The following PARVG variants were observed in gnomAD, a reference collection of about 807,000 sequenced individuals.
PARVG encodes the protein parvin gamma.
PARVG carries 36 observed loss-of-function variants against 44.4 expected under a neutral mutation model. The observed-to-expected ratio is 0.81, with a 90% CI of 0.62 to 1.07. The LOEUF is 1.07. PARVG is among the 50% of genes least tolerant of loss of function. The pLI, the probability that PARVG is intolerant of heterozygous loss-of-function variation, is 0.00. For missense variants in PARVG, 407 were observed against 407.4 expected, an observed-to-expected ratio of 1.00 and a Z score of 0.01; for synonymous variants, 170 against 174.1, an observed-to-expected ratio of 0.98 and a Z score of 0.19.
Position 44,192,418 on chromosome 22 carries a change from T to C in PARVG, c.560+314T>C, listed in dbSNP as rs376062495. ...CTCTAGTGTGAGCAGGATGTTCCTC[T>C]TTCCTTGCAAAGCTGTAAGAGTTAG... On this transcript the variant is annotated intron_variant, in intron 8 of 13. Transcript: ENST00000444313. Among the ~76,000 whole-genome samples the C allele has an allele frequency of 3.9e-5, 6 of 152,356 alleles. No individual in the cohort carries two copies. In the East Asian group the frequency reaches 9.6e-4, roughly 25 times the overall value.
At chr22:44,174,326 A>G (rs2054298327) in intron 1 of PARVG, among the ~76,000 whole-genome samples, 2 of 152,278 alleles carry the variant, frequency 1.3e-5, no homozygotes, top group South Asian at 2.1e-4. Flanking sequence ...CCAGTCTTCG[A>G]GAAGGAACAG....
chr22:44,190,816 C>G, intron 7 of PARVG, 150 bp downstream of exon 7: 1 of 699,056 alleles, frequency 1.4e-6, no homozygotes, highest in South Asian at 1.7e-5. Context: ...GCCAGGATGG[C>G]CAGGGGGTGC....
At chr22:44,198,945 C>T (rs8136049) in intron 12 of PARVG, among the ~76,000 whole-genome samples, 3,706 of 22,714 alleles carry the variant, frequency 0.16, 512 homozygotes, top group Middle Eastern at 0.23. Context: ...CATCCACCCA[C>T]CCATCCATCC....
Position 44,198,655 on chromosome 22 carries a change from G to A in PARVG, c.746G>A (p.Gly249Glu), listed in dbSNP as rs147105787. Residue 249 changes from glycine to glutamate, a missense_variant, in exon 12 of 14, where the codon GGA becomes GAA. Transcript: ENST00000444313. Reference protein sequence around the residue: ...ADGVILLLLIGQLEGFFLHLK... With the variant: ...ADGVILLLLIEQLEGFFLHLK... ...GGGGTCATCTTACTCTTGCTGATTG[G>A]ACAACTTGAAGGCTTCTTCCTGCAC... is the stretch of plus-strand genomic sequence containing the variant. 1.4e-4 allele frequency: 229 copies of A among 1,613,888 alleles called. 2 individuals are homozygous for A. The highest frequency in any genetic ancestry group is 9.9e-4 in the Middle Eastern group (6 of 6,062).
intron 10 of PARVG, 31 bp from the exon 11 acceptor site, chr22:44,196,316 G>C (rs1306734680): frequency 3.1e-6 from 5 of 1,614,176 alleles, no homozygotes; most frequent in South Asian, 1.1e-5. Flanking sequence ...CACACCTGCT[G>C]TGTGCTAGGC....
In PARVG at chr22:44,207,377, G is replaced by A. The variant is rs1360864191; in HGVS notation, c.*951G>A. 1 of 102,260 alleles carries A rather than the reference G, an allele frequency of 9.8e-6. No individual in the cohort carries two copies. Among genetic ancestry groups the A allele is most frequent in the Non-Finnish European group, 2.0e-5 (1 of 48,876 alleles). The allele number at this position is 102,260 out of a possible 1,614,324, so 6.3% of individuals were successfully genotyped here. On this transcript the variant is annotated 3_prime_UTR_variant, in exon 14 of 14. Coordinates refer to ENST00000444313, the MANE Select transcript of PARVG (RefSeq NM_022141.7). ...GGAGTGAGGCTAGTGGGCGGGTGAG[G>A]CTGGCGGGGAGGGGAGGGTTTGTGG...
chr22:44,201,041 T>C (rs1490964356), intron 12 of PARVG, among the ~76,000 whole-genome samples: 1 of 152,036 alleles, frequency 6.6e-6, no homozygotes, highest in Admixed American at 6.5e-5. Context: ...TCTGGCCCCC[T>C]TCCAGCTCTC....
chr22:44,186,821 CT>C, intron 4 of PARVG: 1 of 382,436 alleles, frequency 2.6e-6, no homozygotes, highest in Non-Finnish European at 5.3e-6. Flanking sequence ...GCTGGGTACC[CT>C]GGAGCCAGCA....
upstream of PARVG, among the ~76,000 whole-genome samples, chr22:44,179,989 C>T (rs968824020): frequency 2.6e-5 from 4 of 152,204 alleles, no homozygotes; most frequent in Admixed American, 2.0e-4. This position sits in a 1 kb window ranked among gnomAD's most constrained non-coding sequence, Gnocchi z 4.2. Context: ...TGCAGATCCA[C>T]TCCCCACCAT....
At chr22:44,181,467 C>A in intron 1 of PARVG, 1 of 897,086 alleles carries the variant, frequency 1.1e-6, no homozygotes, top group Non-Finnish European at 1.3e-6. Flanking sequence ...AGGGTGGAGG[C>A]CAGGCTGACA....
Position 44,206,459 on chromosome 22 carries a change from G to A in PARVG, c.*33G>A, listed in dbSNP as rs1352002073. ...TGCCTCCAAAGCCCAGAGCCTGCCT[G>A]TCAGCCCAGCTGGAGGGCCCGAGGC... On this transcript the variant is annotated 3_prime_UTR_variant, in exon 14 of 14. Coordinates refer to ENST00000444313, the MANE Select transcript of PARVG (RefSeq NM_022141.7). 1.2e-6 allele frequency: 2 copies of A among 1,601,096 alleles called. No individual in the cohort carries two copies. Among genetic ancestry groups the A allele is most frequent in the Non-Finnish European group, 8.6e-7 (1 of 1,168,526 alleles).
At chr22:44,176,820 T>C (rs2054323298), upstream of PARVG, among the ~76,000 whole-genome samples, 1 of 152,154 alleles carries the variant, frequency 6.6e-6, no homozygotes, top group Non-Finnish European at 1.5e-5. Context: ...CCGTTCCACA[T>C]GGCTGGAGAG....
intron 9 of PARVG, among the ~76,000 whole-genome samples, chr22:44,195,336 A>G (rs565805580): frequency 6.6e-6 from 1 of 152,336 alleles, no homozygotes; most frequent in African/African-American, 2.4e-5. Context: ...CTTCACTAAC[A>G]AGGGAACTGA....
intron 2 of PARVG, 122 bp from the exon 3 acceptor site, chr22:44,183,196 G>A: frequency 1.2e-6 from 1 of 847,324 alleles, no homozygotes; most frequent in Non-Finnish European, 1.8e-6. Context: ...CTGGCATGCT[G>A]ACGTGTCCCC....
In PARVG at chr22:44,196,504, G is replaced by C. The variant is rs1210020251; in HGVS notation, c.711+89G>C. The C allele has an allele frequency of 2.0e-6, 3 of 1,490,436 alleles. No homozygotes were observed. The African/African-American group carries it at 4.1e-5, about 21-fold the overall frequency. 92.3% of individuals were successfully genotyped at this position (1,490,436 alleles called of 1,614,324 possible). A position where few individuals can be genotyped will look rare whatever the true frequency, so the allele number is the denominator to read the frequency against. On this transcript the variant is annotated intron_variant, in intron 11 of 13. Transcript: ENST00000444313. Reference sequence around the variant, plus strand: ...GTTCTGCAGGCCCTGGGAACCTGCTGTGTGGTGGGGGTTGCATCACCTCTT... The same window carrying C: ...GTTCTGCAGGCCCTGGGAACCTGCTCTGTGGTGGGGGTTGCATCACCTCTT...
At chr22:44,177,211 C>T (rs543802100), upstream of PARVG, among the ~76,000 whole-genome samples, 5 of 152,296 alleles carry the variant, frequency 3.3e-5, no homozygotes, top group Admixed American at 6.5e-5. Context: ...TCTTTAGACG[C>T]ACACATTTAC....
At chr22:44,191,391 T>TA in intron 7 of PARVG, among the ~76,000 whole-genome samples, 2 of 124,942 alleles carry the variant, frequency 1.6e-5, no homozygotes, top group Middle Eastern at 7.3e-3. Context: ...CATTTCTATT[T>TA]TTTTTTTTTT....
At chr22:44,204,752 C>T (rs1034981901) in intron 12 of PARVG, among the ~76,000 whole-genome samples, 5 of 152,242 alleles carry the variant, frequency 3.3e-5, no homozygotes, top group Non-Finnish European at 7.3e-5. Flanking sequence ...ATGTCCACCC[C>T]GTCTAGTGGA....
chr22:44,198,505 GCAC>G, intron 11 of PARVG, 113 bp from the exon 12 acceptor site: 1 of 786,454 alleles, frequency 1.3e-6, no homozygotes, highest in Non-Finnish European at 2.2e-6. Context: ...TCTCATCAAG[GCAC>G]CAGAGGCTCA....
Sources: allele counts gnomAD v4.1 joint callset (sites outside exome capture counted in the v4.1 genomes callset), GRCh38; gene constraint gnomAD v4.1.1; non-coding constraint Gnocchi (gnomAD v3.1); transcripts MANE v1.5; gene names NCBI Gene and HGNC (gene_info 2026-07-23, HGNC 2026-07-21).